GLIS3: variants seen among roughly 807,000 people sequenced by gnomAD.
The protein encoded by GLIS3 is GLIS family zinc finger 3, also known as zinc finger protein GLIS3.
A neutral mutation model predicts 78.6 loss-of-function variants in GLIS3; 53 were observed. That is an observed-to-expected ratio of 0.67 (90% CI 0.54 to 0.85). The LOEUF (loss-of-function observed/expected upper bound fraction) is 0.85, where lower values mean the gene tolerates loss of function less well. Ranked by LOEUF, GLIS3 falls within the 40% of genes least tolerant of loss-of-function variation. The probability of loss-of-function intolerance (pLI) is 0.00; values close to 1 mark genes in which losing one functional copy is unlikely to be tolerated. For synonymous variants in GLIS3, 684 were observed against 509.9 expected, an observed-to-expected ratio of 1.34 and a Z score of -4.60; for missense variants, 1,703 against 1,231.1, an observed-to-expected ratio of 1.38 and a Z score of -5.74.
At chr9:4,035,447 C>T (rs1273109228) in intron 4 of GLIS3, among the ~76,000 whole-genome samples, 1 of 150,800 alleles carries the variant, frequency 6.6e-6, no homozygotes, top group Non-Finnish European at 1.5e-5. Context: ...TCGTATTCCA[C>T]CTTCTATCTC....
chr9:3,967,650 T>G (rs1226960383), intron 4 of GLIS3, among the ~76,000 whole-genome samples: 1 of 152,192 alleles, frequency 6.6e-6, no homozygotes, highest in African/African-American at 2.4e-5. Context: ...TACTACAGAC[T>G]GTGATGCAGC....
chr9:4,466,734 T>C, the GLIS3 span, among the ~76,000 whole-genome samples: 1 of 151,848 alleles, frequency 6.6e-6, no homozygotes, highest in Non-Finnish European at 1.5e-5. Flanking sequence ...AGAAGATGGG[T>C]GATTTCTGCA....
At chr9:4,304,920 G>T (rs1026751515), upstream of GLIS3, among the ~76,000 whole-genome samples, 11 of 152,204 alleles carry the variant, frequency 7.2e-5, no homozygotes, top group African/African-American at 2.4e-4. Context: ...AGGGAAGAGT[G>T]TAATTTTATT....
chr9:4,312,655 A>G (rs1289644858), intron 2 of GLIS3, among the ~76,000 whole-genome samples: 1 of 152,188 alleles, frequency 6.6e-6, no homozygotes, highest in African/African-American at 2.4e-5. Context: ...TCACCTGACT[A>G]TGCTGTTACC....
intron 2 of GLIS3, among the ~76,000 whole-genome samples, chr9:4,330,741 A>C (rs1216477081): frequency 6.6e-6 from 1 of 152,194 alleles, no homozygotes; most frequent in East Asian, 1.9e-4. Context: ...AATACCTGGG[A>C]GGGAGTGGGA....
chr9:4,064,677 C>G (rs1056827420), intron 4 of GLIS3, among the ~76,000 whole-genome samples: 21 of 152,038 alleles, frequency 1.4e-4, no homozygotes, highest in African/African-American at 5.1e-4. Context: ...ACCTGTAATC[C>G]CAGCTACTTG....
chr9:3,905,139 AATTTTTTTCTTTTTTT>A (rs1823586384), intron 6 of GLIS3, among the ~76,000 whole-genome samples: 1 of 38,422 alleles, frequency 2.6e-5, no homozygotes, highest in African/African-American at 8.0e-5. Flanking sequence ...CGCCCGGTTA[AATTTTTTTCTTTTTTT>A]TTTTTTTGCT....
At chr9:4,229,520 C>A (rs1461440729) in intron 2 of GLIS3, among the ~76,000 whole-genome samples, 1 of 152,134 alleles carries the variant, frequency 6.6e-6, no homozygotes, top group Non-Finnish European at 1.5e-5. Context: ...GTGTCTCCTG[C>A]ACAGTGTTAT....
chr9:3,870,709 C>T (rs1293036169), intron 8 of GLIS3, among the ~76,000 whole-genome samples: 1 of 152,182 alleles, frequency 6.6e-6, no homozygotes, highest in East Asian at 1.9e-4. Context: ...TTCAGTTATC[C>T]CCAACAGGTC....
At chr9:4,450,219 G>T in the GLIS3 span, among the ~76,000 whole-genome samples, 2 of 152,124 alleles carry the variant, frequency 1.3e-5, no homozygotes, top group Admixed American at 6.6e-5. Flanking sequence ...TTCAATAGCC[G>T]ATTCAATCAA....
At chr9:4,372,990 G>A in the GLIS3 span, among the ~76,000 whole-genome samples, 284 of 152,288 alleles carry the variant, frequency 1.9e-3, 1 homozygote, top group Non-Finnish European at 2.9e-3. Context: ...AGTAGGTACT[G>A]CACAGAAGTT....
At chr9:4,258,446 C>T (rs775745919) in intron 2 of GLIS3, among the ~76,000 whole-genome samples, 3 of 152,192 alleles carry the variant, frequency 2.0e-5, no homozygotes, top group Non-Finnish European at 4.4e-5. Flanking sequence ...AGTCAGAGAA[C>T]TGGCCTGCTA....
intron 4 of GLIS3, among the ~76,000 whole-genome samples, chr9:4,075,971 C>T (rs142038631): frequency 2.0e-5 from 3 of 152,110 alleles, no homozygotes; most frequent in African/African-American, 7.2e-5. Context: ...GAAGGATTGA[C>T]TGCAAAGGAA....
chr9:4,472,695 A>G, the GLIS3 span, among the ~76,000 whole-genome samples: 1 of 152,164 alleles, frequency 6.6e-6, no homozygotes, highest in Non-Finnish European at 1.5e-5. Flanking sequence ...AACATGGCAC[A>G]TGTACACCTA....
chr9:4,226,502 G>T (rs16920948), intron 2 of GLIS3, among the ~76,000 whole-genome samples: 4,481 of 152,232 alleles, frequency 0.029, 231 homozygotes, highest in African/African-American at 0.1. Context: ...CTCAAACTCC[G>T]CCTCACAGAA....
intron 4 of GLIS3, among the ~76,000 whole-genome samples, chr9:3,945,275 T>G (rs998120401): frequency 1.3e-5 from 2 of 152,242 alleles, no homozygotes; most frequent in Non-Finnish European, 2.9e-5. Flanking sequence ...TATATGAGCA[T>G]AATACTTCTA....
At chr9:4,264,061 C>G (rs1825764868) in intron 2 of GLIS3, among the ~76,000 whole-genome samples, 1 of 152,148 alleles carries the variant, frequency 6.6e-6, no homozygotes, top group Admixed American at 6.5e-5. Flanking sequence ...AACCATGTAC[C>G]CAACATCCCC....
chr9:4,312,237 G>C (rs934778104), intron 2 of GLIS3, among the ~76,000 whole-genome samples: 8 of 152,228 alleles, frequency 5.3e-5, no homozygotes, highest in African/African-American at 1.9e-4. Context: ...GGAGGCCAAG[G>C]CTGGCGGATC....
chr9:4,340,593 T>C (rs1817820426), intron 2 of GLIS3, among the ~76,000 whole-genome samples: 1 of 152,164 alleles, frequency 6.6e-6, no homozygotes, highest in Non-Finnish European at 1.5e-5. Flanking sequence ...GTGAGGGTGA[T>C]GGTCCATGTG....
Sources: gnomAD v4.1 joint callset for allele counts (sites outside exome capture counted in the v4.1 genomes callset) on GRCh38, gnomAD v4.1.1 for gene constraint, MANE v1.5 for transcripts, NCBI Gene and HGNC (gene_info 2026-07-23, HGNC 2026-07-21) for gene names.